Variants in GABRB1 observed in about 807,000 individuals in gnomAD.
GABRB1 encodes the protein gamma-aminobutyric acid type A receptor subunit beta1, also known as gamma-aminobutyric acid receptor subunit beta-1.
In GABRB1, 17 loss-of-function variants were observed where a neutral mutation model predicts 51.6. The ratio of observed to expected loss-of-function variants is 0.33; its 90% CI spans 0.23 to 0.49. The LOEUF (loss-of-function observed/expected upper bound fraction) is 0.49. GABRB1 is among the 20% of genes least tolerant of loss of function. The pLI is 0.99. For synonymous variants in GABRB1, 247 were observed against 218.9 expected, an observed-to-expected ratio of 1.13 and a Z score of -1.14; for missense variants, 410 against 600.6, an observed-to-expected ratio of 0.68 and a Z score of 3.32.
chr4:47,350,749 C>A (rs898736441), intron 5 of GABRB1, among the ~76,000 whole-genome samples: 7 of 151,876 alleles, frequency 4.6e-5, no homozygotes, highest in Admixed American at 1.3e-4. Context: ...GTGCTATAAA[C>A]CCTGATGACA....
intron 4 of GABRB1, among the ~76,000 whole-genome samples, chr4:47,265,737 C>A (rs1253276986): frequency 6.6e-6 from 1 of 152,030 alleles, no homozygotes; most frequent in Non-Finnish European, 1.5e-5. Flanking sequence ...ATTTATATGC[C>A]TTCTTTTGAG....
intron 3 of GABRB1, among the ~76,000 whole-genome samples, chr4:47,137,048 C>A (rs562540285): frequency 3.5e-4 from 54 of 152,120 alleles, no homozygotes; most frequent in African/African-American, 9.6e-4. Flanking sequence ...GCGGAAAGGG[C>A]GCCACAGAAG....
intron 3 of GABRB1, among the ~76,000 whole-genome samples, chr4:47,113,839 T>C (rs1017280507): frequency 3.3e-5 from 5 of 152,216 alleles, no homozygotes; most frequent in Non-Finnish European, 7.3e-5. Context: ...AGCCCCGCAG[T>C]TCTGTTTTCA....
intron 8 of GABRB1, among the ~76,000 whole-genome samples, chr4:47,414,594 C>T (rs911078116): frequency 1.3e-5 from 2 of 152,068 alleles, no homozygotes; most frequent in African/African-American, 4.8e-5. Context: ...TTTGGGGGCC[C>T]CAAGATTTAT....
chr4:47,284,645 G>T (rs567203464), intron 4 of GABRB1, among the ~76,000 whole-genome samples: 111 of 152,228 alleles, frequency 7.3e-4, no homozygotes, highest in African/African-American at 2.6e-3. Flanking sequence ...TCCTAAAGTG[G>T]CTTTTTAGCT....
At chr4:47,206,145 T>C (rs964596299) in intron 4 of GABRB1, among the ~76,000 whole-genome samples, 8 of 152,112 alleles carry the variant, frequency 5.3e-5, no homozygotes, top group African/African-American at 1.9e-4. Context: ...TTTTTAATCT[T>C]TTTTATTCAG....
At chr4:47,187,637 A>G (rs1719239683) in intron 4 of GABRB1, among the ~76,000 whole-genome samples, 1 of 151,924 alleles carries the variant, frequency 6.6e-6, no homozygotes, top group Non-Finnish European at 1.5e-5. Flanking sequence ...ACAGTCTGTT[A>G]GATATAGAGA....
intron 5 of GABRB1, among the ~76,000 whole-genome samples, chr4:47,326,652 G>A (rs970851660): frequency 6.6e-6 from 1 of 152,080 alleles, no homozygotes; most frequent in African/African-American, 2.4e-5. Flanking sequence ...AAGAAGCCCT[G>A]AGATCTACCT....
chr4:47,301,173 A>G (rs578203015), intron 4 of GABRB1, among the ~76,000 whole-genome samples: 3 of 152,302 alleles, frequency 2.0e-5, no homozygotes, highest in African/African-American at 7.2e-5. Context: ...AACCAAAAAG[A>G]CACACCAACC....
At chr4:47,258,671 C>T (rs1722310117) in intron 4 of GABRB1, among the ~76,000 whole-genome samples, 1 of 152,094 alleles carries the variant, frequency 6.6e-6, no homozygotes, top group Non-Finnish European at 1.5e-5. Context: ...ACTCAATTTC[C>T]TACCGAATTA....
chr4:47,056,511 G>A (rs765479431), intron 3 of GABRB1, among the ~76,000 whole-genome samples: 9 of 152,054 alleles, frequency 5.9e-5, no homozygotes, highest in Non-Finnish European at 1.0e-4. Context: ...CTAGGCAATC[G>A]TTTTTTTCTC....
intron 5 of GABRB1, among the ~76,000 whole-genome samples, chr4:47,378,351 C>T (rs1033899759): frequency 1.3e-5 from 2 of 152,214 alleles, no homozygotes; most frequent in African/African-American, 2.4e-5. Context: ...GCTCCAAGTG[C>T]GGGGCTTGCC....
chr4:47,179,052 G>T (rs1252784490), intron 4 of GABRB1, among the ~76,000 whole-genome samples: 1 of 152,002 alleles, frequency 6.6e-6, no homozygotes, highest in African/African-American at 2.4e-5. Flanking sequence ...TGCCATGGTG[G>T]TTTGCTGCAC....
intron 3 of GABRB1, among the ~76,000 whole-genome samples, chr4:47,108,862 A>G (rs915868831): frequency 2.0e-5 from 3 of 152,052 alleles, no homozygotes; most frequent in Non-Finnish European, 4.4e-5. Flanking sequence ...ATCATTTCCC[A>G]CAGAGCTCAA....
chr4:47,298,072 G>A (rs1724083612), intron 4 of GABRB1, among the ~76,000 whole-genome samples: 1 of 152,086 alleles, frequency 6.6e-6, no homozygotes, highest in South Asian at 2.1e-4. Context: ...AAGAAATTAG[G>A]TATTGATGGG....
chr4:47,016,894 C>A (rs1324664757), intron 1 of GABRB1, among the ~76,000 whole-genome samples: 1 of 152,068 alleles, frequency 6.6e-6, no homozygotes, highest in Non-Finnish European at 1.5e-5. Flanking sequence ...CTGGCCTGTG[C>A]AGACAATTTA....
At chr4:47,195,033 C>A (rs1719588574) in intron 4 of GABRB1, among the ~76,000 whole-genome samples, 1 of 152,188 alleles carries the variant, frequency 6.6e-6, no homozygotes, top group East Asian at 1.9e-4. Context: ...ACTTCCTCAC[C>A]ATGGGTAAGC....
chr4:47,135,830 A>C (rs761743999), intron 3 of GABRB1, among the ~76,000 whole-genome samples: 1 of 152,260 alleles, frequency 6.6e-6, no homozygotes, highest in Non-Finnish European at 1.5e-5. Context: ...TAATACAGAC[A>C]TATTTACTAT....
intron 4 of GABRB1, among the ~76,000 whole-genome samples, chr4:47,221,844 G>A (rs571861956): frequency 1.9e-4 from 29 of 152,058 alleles, no homozygotes; most frequent in African/African-American, 6.0e-4. Flanking sequence ...AAAGATGCCT[G>A]ACTTAATATC....
Sources: allele counts gnomAD v4.1 joint callset (sites outside exome capture counted in the v4.1 genomes callset), GRCh38; gene constraint gnomAD v4.1.1; transcripts MANE v1.5; gene names NCBI Gene and HGNC (gene_info 2026-07-23, HGNC 2026-07-21).